IL1RAPL1: variants seen among roughly 807,000 people sequenced by gnomAD.
IL1RAPL1 encodes the protein interleukin 1 receptor accessory protein like 1, also known as interleukin-1 receptor accessory protein-like 1.
Under a neutral mutation model 48.4 loss-of-function variants are expected in IL1RAPL1, and 3 were observed. The observed-to-expected ratio is 0.06, with a 90% CI of 0.03 to 0.16. IL1RAPL1 has a LOEUF of 0.16. IL1RAPL1 is among the 10% of genes least tolerant of loss of function. The probability of loss-of-function intolerance (pLI) is 1.00; values close to 1 mark genes in which losing one functional copy is unlikely to be tolerated. For synonymous variants in IL1RAPL1, 185 were observed against 187.7 expected (o/e 0.99, Z 0.12); for missense variants, 349 against 530.6 (o/e 0.66, Z 3.36).
intron 2 of IL1RAPL1, among the ~76,000 whole-genome samples, chrX:28,992,524 A>G (rs1263256829): frequency 3.6e-5 from 4 of 109,815 alleles, no homozygotes; most frequent in Non-Finnish European, 5.7e-5. Flanking sequence ...AAAAGAAGAA[A>G]AAAAAAAGAA....
intron 2 of IL1RAPL1, among the ~76,000 whole-genome samples, chrX:28,999,838 A>T (rs1925808087): frequency 8.9e-6 from 1 of 111,938 alleles, no homozygotes; most frequent in African/African-American, 3.2e-5. Flanking sequence ...TTGCTTTGTT[A>T]TCTATATAGT....
chrX:29,349,594 A>C (rs1454136580), intron 3 of IL1RAPL1, among the ~76,000 whole-genome samples: 1 of 111,470 alleles, frequency 9.0e-6, no homozygotes, highest in Non-Finnish European at 1.9e-5. Context: ...CAACGAGTCT[A>C]TGACATCCTG....
intron 6 of IL1RAPL1, among the ~76,000 whole-genome samples, chrX:29,686,701 GC>G (rs1441764662): frequency 9.2e-6 from 1 of 108,934 alleles, no homozygotes; most frequent in African/African-American, 3.3e-5. Context: ...GGGACTACAG[GC>G]GCCCGCCACC....
intron 3 of IL1RAPL1, among the ~76,000 whole-genome samples, chrX:29,375,099 A>C (rs1226791955): frequency 9.3e-6 from 1 of 107,973 alleles, no homozygotes; most frequent in African/African-American, 3.4e-5. Context: ...TGCTGAAGCT[A>C]TACCCAAAAT....
intron 1 of IL1RAPL1, among the ~76,000 whole-genome samples, chrX:28,600,694 G>A (rs1230233224): frequency 9.0e-6 from 1 of 111,410 alleles, no homozygotes; most frequent in African/African-American, 3.3e-5. Context: ...TAGATTTACT[G>A]GTACAGAACA....
intron 2 of IL1RAPL1, among the ~76,000 whole-genome samples, chrX:28,985,022 G>A (rs903612210): frequency 2.7e-5 from 3 of 111,240 alleles, no homozygotes; most frequent in Non-Finnish European, 5.7e-5. Context: ...TATAAACTGG[G>A]TATGATACAA....
At chrX:29,320,919 TTAA>T (rs1294247600) in intron 3 of IL1RAPL1, among the ~76,000 whole-genome samples, 1 of 111,238 alleles carries the variant, frequency 9.0e-6, no homozygotes, top group Non-Finnish European at 1.9e-5. Flanking sequence ...ATTATTATTA[TTAA>T]TAATATTGCT....
intron 5 of IL1RAPL1, among the ~76,000 whole-genome samples, chrX:29,571,456 C>T (rs1193341405): frequency 9.0e-6 from 1 of 110,661 alleles, no homozygotes; most frequent in East Asian, 2.8e-4. Flanking sequence ...TAATTAACTC[C>T]CTGAAGAAAC....
intron 6 of IL1RAPL1, among the ~76,000 whole-genome samples, chrX:29,888,273 G>A (rs959456868): frequency 9.2e-6 from 1 of 108,563 alleles, no homozygotes; most frequent in Admixed American, 9.9e-5. Context: ...GCCCAGGCTG[G>A]AGTGCAGTGG....
chrX:29,767,009 ACTCT>A (rs917108436), intron 6 of IL1RAPL1, among the ~76,000 whole-genome samples: 48 of 109,903 alleles, frequency 4.4e-4, no homozygotes, highest in African/African-American at 1.3e-3. Flanking sequence ...GTTGTTCCTC[ACTCT>A]CCACTTTGCT....
rs1932069562 is a variant in IL1RAPL1 at position 29,273,210 on chromosome X, G to T, written c.83-9728G>T. On this transcript the variant is annotated intron_variant, in intron 2 of 10. Transcript: ENST00000378993. ...TTGTTTGGAGGTAAGAAAACAGTCTGGCTCTTTCAGTTGCCAGAGATCTTG... is the reference window on the plus strand; with the variant it reads ...TTGTTTGGAGGTAAGAAAACAGTCTTGCTCTTTCAGTTGCCAGAGATCTTG... Among the ~76,000 whole-genome samples the T allele has an allele frequency of 2.7e-5, 3 of 112,199 alleles. No individual in the cohort carries two copies. In the South Asian group the frequency reaches 1.1e-3, roughly 41 times the overall value.
intron 5 of IL1RAPL1, among the ~76,000 whole-genome samples, chrX:29,446,565 G>A (rs890867700): frequency 7.2e-5 from 8 of 111,757 alleles, no homozygotes; most frequent in African/African-American, 2.3e-4. Flanking sequence ...GGCCAATACA[G>A]TCTAGTGACT....
At chrX:28,616,007 A>G (rs1466582900) in intron 1 of IL1RAPL1, among the ~76,000 whole-genome samples, 3 of 112,472 alleles carry the variant, frequency 2.7e-5, no homozygotes, top group African/African-American at 9.7e-5. Flanking sequence ...ATTGATTTAG[A>G]TCTTTACAGA....
chrX:29,684,133 A>G (rs778891115), intron 6 of IL1RAPL1, among the ~76,000 whole-genome samples: 25 of 111,788 alleles, frequency 2.2e-4, no homozygotes, highest in Non-Finnish European at 2.8e-4. Flanking sequence ...TACACCTACT[A>G]TGTACCCACA....
At chrX:28,954,646 T>C (rs1924555915) in intron 2 of IL1RAPL1, among the ~76,000 whole-genome samples, 1 of 111,146 alleles carries the variant, frequency 9.0e-6, no homozygotes, top group Admixed American at 9.7e-5. Flanking sequence ...TGTGACTGAA[T>C]TGCCTCCACT....
intron 2 of IL1RAPL1, among the ~76,000 whole-genome samples, chrX:29,038,372 T>C (rs1269828070): frequency 8.9e-6 from 1 of 112,132 alleles, no homozygotes; most frequent in Non-Finnish European, 1.9e-5. Context: ...TGGATATTTA[T>C]CATATATAAA....
At chrX:29,263,007 G>A (rs759273317) in intron 2 of IL1RAPL1, among the ~76,000 whole-genome samples, 74 of 111,647 alleles carry the variant, frequency 6.6e-4, no homozygotes, top group Non-Finnish European at 1.2e-3. Context: ...GAGTAATTTA[G>A]CATCAATTTA....
chrX:29,286,198 A>G (rs988704707), intron 3 of IL1RAPL1, among the ~76,000 whole-genome samples: 2 of 111,706 alleles, frequency 1.8e-5, no homozygotes, highest in East Asian at 5.6e-4. Flanking sequence ...TCCTTCTTTA[A>G]TATCTATTTT....
At chrX:28,961,009 C>CA (rs397947609) in intron 2 of IL1RAPL1, among the ~76,000 whole-genome samples, 3,131 of 17,405 alleles carry the variant, frequency 0.18, 1,192 homozygotes, top group East Asian at 0.39. Flanking sequence ...GACTCCGTCT[C>CA]AAAAAAAAAA....
Sources: allele counts gnomAD v4.1 joint callset (sites outside exome capture counted in the v4.1 genomes callset), GRCh38; gene constraint gnomAD v4.1.1; transcripts MANE v1.5; gene names NCBI Gene and HGNC (gene_info 2026-07-23, HGNC 2026-07-21).